Variants in ADAM23 observed in about 807,000 individuals in gnomAD.
ADAM23 encodes disintegrin and metalloproteinase domain-containing protein 23.
A neutral mutation model predicts 120.1 loss-of-function variants in ADAM23; 33 were observed. That is an observed-to-expected ratio of 0.27 (90% CI 0.21 to 0.37). ADAM23 has a LOEUF of 0.37. ADAM23 is among the 10% of genes least tolerant of loss of function. The probability of loss-of-function intolerance (pLI) is 1.00; values close to 1 mark genes in which losing one functional copy is unlikely to be tolerated. For missense variants in ADAM23, 862 were observed against 1,058.2 expected (o/e 0.81, Z 2.57); for synonymous variants, 367 against 375.2 (o/e 0.98, Z 0.25).
At position 206,444,033 on chromosome 2, in the gene ADAM23, T is replaced by A; in HGVS notation, c.167T>A (p.Leu56His). The A allele has an allele frequency of 7.1e-7, 1 of 1,410,198 alleles. No homozygotes were observed. The highest frequency in any genetic ancestry group is 9.3e-7 in the Non-Finnish European group (1 of 1,078,786). 87.4% of individuals were successfully genotyped at this position (1,410,198 alleles called of 1,614,324 possible). A position where few individuals can be genotyped will look rare whatever the true frequency, so the allele number is the denominator to read the frequency against. Residue 56 changes from leucine (L) to histidine (H), a missense_variant, in exon 1 of 26, where the codon CTC (leucine) becomes CAC (histidine). Physicochemically the swap from Leu to His is moderately conservative, Grantham distance 99. Transcript: ENST00000264377. ...LLLVLLLLPP[L>H]AASSRPRAWG... ...CTCGTCCTTCTCCTGCTGCCTCCGC[T>A]CGCCGCCTCGTCCCGGCCCCGCGCC... is the stretch of plus-strand genomic sequence containing the variant.
rs187075915 is a variant in ADAM23, at chr2:206,616,600, A to C, written c.2451-979A>C. Among the ~76,000 whole-genome samples the C allele has an allele frequency of 3.7e-4, 57 of 152,208 alleles. No individual in the cohort carries two copies. In the East Asian group the frequency reaches 0.011, roughly 29 times the overall value. ...TTGAATTACTTGTGGGGGAGGAGGA[A>C]TATATCGCAATGGCTTTGATACTTA... On this transcript the variant is annotated intron_variant, in intron 25 of 25. Coordinates refer to ENST00000264377, the MANE Select transcript of ADAM23 (RefSeq NM_003812.4).
At chr2:206,467,872 A>G (rs543844886) in intron 2 of ADAM23, among the ~76,000 whole-genome samples, 60 of 152,214 alleles carry the variant, frequency 3.9e-4, no homozygotes, top group African/African-American at 1.3e-3. Flanking sequence ...CTCAACTCTT[A>G]TATTCTGTGC....
intron 24 of ADAM23, among the ~76,000 whole-genome samples, chr2:206,608,454 C>A (rs939654035): frequency 6.6e-6 from 1 of 152,148 alleles, no homozygotes; most frequent in African/African-American, 2.4e-5. Context: ...CCACCTCATA[C>A]GATTTTTGTA....
At chr2:206,602,281 A>G (rs976943200) in intron 24 of ADAM23, among the ~76,000 whole-genome samples, 2 of 152,182 alleles carry the variant, frequency 1.3e-5, no homozygotes, top group African/African-American at 2.4e-5. Flanking sequence ...CATTGACAGC[A>G]TAAACTGAAA....
chr2:206,462,392 C>A (rs1466203856), intron 2 of ADAM23, among the ~76,000 whole-genome samples: 1 of 152,118 alleles, frequency 6.6e-6, no homozygotes, highest in Non-Finnish European at 1.5e-5. Context: ...TTATCTCTAC[C>A]CTATTTTTAG....
chr2:206,588,102 C>T lies in ADAM23; in HGVS notation c.1800C>T (p.Tyr600=). ...GCTCCTGTCCCCAGGGCCGCTGCTA[C>T]AATGGCGAGTGCAAGACCAGAGACA... ...YACNQNQGRC[Y]NGECKTRDNQ... Residue 600 remains tyrosine, a synonymous_variant, in exon 20 of 26, where the codon TAC becomes TAT. Coordinates refer to ENST00000264377, the MANE Select transcript of ADAM23 (RefSeq NM_003812.4). The T allele has an allele frequency of 6.2e-7, 1 of 1,614,116 alleles. No individual in the cohort carries two copies. Among genetic ancestry groups the T allele is most frequent in the Non-Finnish European group, 8.5e-7 (1 of 1,179,974 alleles).
chr2:206,619,439 A>T lies in ADAM23; in HGVS notation c.*1812A>T, dbSNP rs1264608597. 6.6e-6 allele frequency: 1 copy of T among 151,994 alleles called. No homozygotes were observed. The highest frequency in any genetic ancestry group is 1.5e-5 in the Non-Finnish European group (1 of 68,002). 9.4% of individuals were successfully genotyped at this position (151,994 alleles called of 1,614,324 possible). On this transcript the variant is annotated 3_prime_UTR_variant, in exon 26 of 26. Coordinates refer to ENST00000264377, the MANE Select transcript of ADAM23 (RefSeq NM_003812.4). Reference sequence around the variant, plus strand: ...TTAATGTACAAACCGGTATGTGATCACTTCAGTGAGCATCCCTCTATAGAT... The same window carrying T: ...TTAATGTACAAACCGGTATGTGATCTCTTCAGTGAGCATCCCTCTATAGAT...
chr2:206,585,536 T>C (rs1698304638), intron 18 of ADAM23, among the ~76,000 whole-genome samples: 1 of 152,252 alleles, frequency 6.6e-6, no homozygotes, highest in Non-Finnish European at 1.5e-5. Context: ...GAATGCTAAA[T>C]TAGTTCTGTT....
intron 3 of ADAM23, among the ~76,000 whole-genome samples, chr2:206,493,354 ATAATC>A (rs1696170542): frequency 6.6e-6 from 1 of 152,186 alleles, no homozygotes; most frequent in African/African-American, 2.4e-5. Flanking sequence ...TAAAAACAAA[ATAATC>A]TATACTGGCT....
intron 2 of ADAM23, among the ~76,000 whole-genome samples, chr2:206,475,849 G>T (rs565753948): frequency 6.6e-6 from 1 of 152,106 alleles, no homozygotes; most frequent in South Asian, 2.1e-4. Flanking sequence ...GGAAACTCTT[G>T]AAGGGTCTAT....
intron 23 of ADAM23, among the ~76,000 whole-genome samples, chr2:206,595,226 A>C (rs189907091): frequency 2.6e-5 from 4 of 152,116 alleles, no homozygotes; most frequent in Admixed American, 2.6e-4. Context: ...TGTTAATCAC[A>C]ATCATGGTAT....
intron 24 of ADAM23, among the ~76,000 whole-genome samples, chr2:206,603,101 A>G (rs1698668926): frequency 6.6e-6 from 1 of 152,204 alleles, no homozygotes; most frequent in Admixed American, 6.5e-5. Context: ...TGTCCAGCAT[A>G]GTTCCTTGAA....
intron 18 of ADAM23, 143 bp downstream of exon 18, chr2:206,573,338 G>A: frequency 1.3e-6 from 1 of 760,198 alleles, no homozygotes; most frequent in Non-Finnish European, 2.3e-6. Flanking sequence ...AGATATCTTG[G>A]GGATGGGACT....
At chr2:206,588,741 G>A (rs1393784513) in intron 20 of ADAM23, among the ~76,000 whole-genome samples, 4 of 152,152 alleles carry the variant, frequency 2.6e-5, no homozygotes, top group African/African-American at 9.7e-5. Flanking sequence ...CAGACGGGGG[G>A]AAGAATGAGA....
At chr2:206,485,764 G>A (rs1695999309) in intron 3 of ADAM23, among the ~76,000 whole-genome samples, 1 of 152,218 alleles carries the variant, frequency 6.6e-6, no homozygotes, top group Admixed American at 6.5e-5. Flanking sequence ...CAGAGGAGGA[G>A]GCAAACAGTG....
intron 2 of ADAM23, among the ~76,000 whole-genome samples, chr2:206,450,191 C>T (rs1316773047): frequency 6.6e-6 from 1 of 152,122 alleles, no homozygotes; most frequent in Non-Finnish European, 1.5e-5. Context: ...ATTTTTATGA[C>T]CTTTATTATA....
At chr2:206,548,444 A>C in intron 8 of ADAM23, 90 bp downstream of exon 8, 1 of 1,294,554 alleles carries the variant, frequency 7.7e-7, no homozygotes, top group South Asian at 1.4e-5. Context: ...TACCTAAAAC[A>C]GTTCAGATTT....
At chr2:206,573,018 T>C (rs952751483) in intron 17 of ADAM23, 97 bp from the exon 18 acceptor site, 2 of 1,194,768 alleles carry the variant, frequency 1.7e-6, no homozygotes, top group African/African-American at 1.5e-5. Flanking sequence ...GTGTTAGTTA[T>C]GCGAGAGTAT....
rs956280656 is a variant in ADAM23 at position 206,618,255 on chromosome 2, C to G, written c.*628C>G. The stretch of plus-strand genomic sequence containing the variant: ...CCTCTCGGAGCCCCACTTCTTACCC[C>G]CCACCTCCCACCCTCTATAATCCCC... On this transcript the variant is annotated 3_prime_UTR_variant, in exon 26 of 26. Coordinates refer to ENST00000264377, the MANE Select transcript of ADAM23 (RefSeq NM_003812.4). 5 of 152,086 alleles carry G rather than the reference C, an allele frequency of 3.3e-5. No homozygotes were observed. The highest frequency in any genetic ancestry group is 5.9e-5 in the Non-Finnish European group (4 of 68,082). The allele number at this position is 152,086 out of a possible 1,614,324, so 9.4% of individuals were successfully genotyped here.
Sources: gnomAD v4.1 joint callset for allele counts (sites outside exome capture counted in the v4.1 genomes callset) on GRCh38, gnomAD v4.1.1 for gene constraint, MANE v1.5 for transcripts, NCBI Gene and HGNC (gene_info 2026-07-23, HGNC 2026-07-21) for gene names.